Variants in PHKA2 observed in about 807,000 individuals in gnomAD.
The protein encoded by PHKA2 is phosphorylase kinase regulatory subunit alpha 2.
PHKA2 carries 31 observed loss-of-function variants against 102.0 expected under a neutral mutation model. The ratio of observed to expected loss-of-function variants is 0.30; its 90% CI spans 0.23 to 0.41. The LOEUF (loss-of-function observed/expected upper bound fraction) is 0.41, where lower values mean the gene tolerates loss of function less well. Ranked by LOEUF, PHKA2 falls within the 10% of genes least tolerant of loss-of-function variation. PHKA2 has a pLI of 1.00. For synonymous variants in PHKA2, 455 were observed against 416.2 expected (o/e 1.09, Z -1.13); for missense variants, 858 against 1,023.1 (o/e 0.84, Z 2.20).
intron 17 of PHKA2, among the ~76,000 whole-genome samples, chrX:18,923,661 T>C (rs181694448): frequency 5.5e-4 from 62 of 112,384 alleles, no homozygotes; most frequent in African/African-American, 1.8e-3. Flanking sequence ...CTTAAGGTGA[T>C]AGCATATTCA....
At chrX:18,975,599 A>C (rs2049077821) in intron 1 of PHKA2, among the ~76,000 whole-genome samples, 1 of 112,360 alleles carries the variant, frequency 8.9e-6, no homozygotes, top group Non-Finnish European at 1.9e-5. Context: ...CATTGCAGTA[A>C]ATGGTAATTC....
chrX:18,900,789 G>C (rs1456064792), intron 27 of PHKA2, 90 bp from the exon 28 acceptor site: 1 of 836,660 alleles, frequency 1.2e-6, no homozygotes, highest in Non-Finnish European at 1.8e-6. Flanking sequence ...ATCCAGGGCC[G>C]TGTTGGTCAA....
chrX:18,941,681 T>A lies in PHKA2; in HGVS notation c.718-6A>T. The stretch of plus-strand genomic sequence containing the variant: ...AGCATGGAGAACAGAATAGACTGAA[T>A]GAAAAACAAAGAGGTGGTTTAACCT... On this transcript the variant is annotated splice_region_variant and splice_polypyrimidine_tract_variant and intron_variant, in intron 7 of 32. Transcript: ENST00000379942. 8.7e-7 allele frequency: 1 copy of A among 1,154,375 alleles called. No individual in the cohort carries two copies. The highest frequency in any genetic ancestry group is 1.2e-6 in the Non-Finnish European group (1 of 842,614).
At chrX:18,897,071 G>A in intron 30 of PHKA2, 92 bp downstream of exon 30, 2 of 1,010,718 alleles carry the variant, frequency 2.0e-6, no homozygotes, top group Non-Finnish European at 2.8e-6. Flanking sequence ...CATCCTCAGG[G>A]CTGTGTGTTT....
Position 18,983,996 on chromosome X carries a change from G to T in PHKA2, c.-64C>A. The T allele has an allele frequency of 1.0e-6, 1 of 974,222 alleles. No individual in the cohort carries two copies. Among genetic ancestry groups the T allele is most frequent in the Non-Finnish European group, 1.5e-6 (1 of 680,544 alleles). 80.3% of individuals were successfully genotyped at this position (974,222 alleles called of 1,213,427 possible). On this transcript the variant is annotated 5_prime_UTR_variant, in exon 1 of 33. Coordinates refer to ENST00000379942, the MANE Select transcript of PHKA2 (RefSeq NM_000292.3). ...CGTGGGCGCGGGACGTCGGGGCTGT[G>T]GCCTCCAAGCGGGTCTGGTTCCCGG...
Position 18,924,463 on chromosome X carries a change from C to T in PHKA2, c.1632G>A (p.Arg544=), listed in dbSNP as rs201710031. Reference sequence around the variant, plus strand: ...AGGTGCACAGGTAGGCCAGCTCGATCCTTAGCATCTCCACGATCATCTCAT... The same window carrying T: ...AGGTGCACAGGTAGGCCAGCTCGATTCTTAGCATCTCCACGATCATCTCAT... ...LDNEMIVEML[R]IELAYLCTCW... Residue 544 remains arginine, a synonymous_variant, in exon 16 of 33, where the codon AGG becomes AGA. Coordinates refer to ENST00000379942, the MANE Select transcript of PHKA2 (RefSeq NM_000292.3). 5 of 1,209,752 alleles carry T rather than the reference C, an allele frequency of 4.1e-6. No individual in the cohort carries two copies. In the African/African-American group the frequency reaches 5.2e-5, roughly 13 times the overall value.
intron 19 of PHKA2, among the ~76,000 whole-genome samples, chrX:18,916,758 A>C (rs1169143162): frequency 8.9e-6 from 1 of 112,179 alleles, no homozygotes; most frequent in East Asian, 2.8e-4. Flanking sequence ...AGCCAAGTAG[A>C]TGCCAGCATC....
chrX:18,900,740 A>G, intron 27 of PHKA2, 41 bp from the exon 28 acceptor site: 1 of 1,154,426 alleles, frequency 8.7e-7, no homozygotes. Flanking sequence ...ACCAGCTTTG[A>G]GCCAAGAACG....
intron 5 of PHKA2, 58 bp from the exon 6 acceptor site, chrX:18,945,216 G>T: frequency 1.4e-6 from 1 of 736,797 alleles, no homozygotes; most frequent in Non-Finnish European, 2.1e-6. Context: ...GAAGTGCTAT[G>T]GGAAAAATGC....
At position 18,893,717 on chromosome X, in the gene PHKA2, C is replaced by T. The variant is rs757147423; in HGVS notation, c.3538-62G>A. 7.9e-5 allele frequency: 85 copies of T among 1,072,730 alleles called. 1 individual carries two copies. The highest frequency in any genetic ancestry group is 6.2e-4 in the Middle Eastern group (2 of 3,220). 88.4% of individuals were successfully genotyped at this position (1,072,730 alleles called of 1,213,427 possible). ...GCCCCCACTCCCCGTCACGCTTCTG[C>T]GTGGTGGTGGCAGCGGGTCAACATG... On this transcript the variant is annotated intron_variant, in intron 32 of 32. Transcript: ENST00000379942.
chrX:18,978,712 C>CA (rs1185873975), intron 1 of PHKA2, among the ~76,000 whole-genome samples: 47 of 107,957 alleles, frequency 4.4e-4, no homozygotes, highest in Admixed American at 1.6e-3. Flanking sequence ...GACTCTGTCT[C>CA]AAAAAAAAAT....
intron 29 of PHKA2, chrX:18,897,662 T>G: frequency 3.6e-6 from 1 of 275,849 alleles, no homozygotes; most frequent in Non-Finnish European, 6.5e-6. Context: ...CCCCACTCAA[T>G]GCCAGCGGTG....
chrX:18,967,138 G>C (rs2048957138), intron 1 of PHKA2, among the ~76,000 whole-genome samples: 1 of 111,449 alleles, frequency 9.0e-6, no homozygotes, highest in African/African-American at 3.3e-5. Flanking sequence ...GGGTTTGCTG[G>C]AAGGAATGAG....
At chrX:18,961,904 C>T (rs2048876494) in intron 1 of PHKA2, among the ~76,000 whole-genome samples, 1 of 109,362 alleles carries the variant, frequency 9.1e-6, no homozygotes, top group African/African-American at 3.3e-5. Context: ...AAATAGAGAA[C>T]AGTAATGTCA....
chrX:18,964,370 C>T (rs181738007), intron 1 of PHKA2, among the ~76,000 whole-genome samples: 1 of 112,141 alleles, frequency 8.9e-6, no homozygotes, highest in South Asian at 3.6e-4. Context: ...AGGCCTCAGA[C>T]GAACCCTACC....
In PHKA2 at chrX:18,940,830, TA is replaced by T. The variant is rs745904224; in HGVS notation, c.864+698del. ...CTGAGCCTAGAACCCGCTCTTCTTG[TA>T]AACACTTCATTCTCTGTATTCATTC... is the stretch of plus-strand genomic sequence containing the variant. On this transcript the variant is annotated intron_variant, in intron 8 of 32. Transcript: ENST00000379942. 1.1e-3 allele frequency among the ~76,000 whole-genome samples: 127 copies of T among 111,820 alleles called. 1 individual carries two copies. In the East Asian group the frequency reaches 0.018, roughly 16 times the overall value.
intron 14 of PHKA2, 113 bp downstream of exon 14, chrX:18,926,340 A>T: frequency 1.6e-6 from 1 of 641,330 alleles, no homozygotes; most frequent in Non-Finnish European, 2.6e-6. Flanking sequence ...CGCCTGCTTT[A>T]GTTTTTGTCC....
At chrX:18,955,966 T>C (rs904141367) in intron 1 of PHKA2, among the ~76,000 whole-genome samples, 1 of 112,615 alleles carries the variant, frequency 8.9e-6, no homozygotes, top group African/African-American at 3.2e-5. Flanking sequence ...AACCTAGGAA[T>C]GACTGAAAGT....
intron 1 of PHKA2, among the ~76,000 whole-genome samples, chrX:18,979,081 A>G (rs1028407360): frequency 8.9e-6 from 1 of 111,830 alleles, no homozygotes; most frequent in Non-Finnish European, 1.9e-5. Context: ...GGCTGCAGTG[A>G]GGTGAGATCA....
Sources: allele counts gnomAD v4.1 joint callset (sites outside exome capture counted in the v4.1 genomes callset), GRCh38; gene constraint gnomAD v4.1.1; transcripts MANE v1.5; gene names NCBI Gene and HGNC (gene_info 2026-07-23, HGNC 2026-07-21).